The following DEGS2 variants were observed in gnomAD, a reference collection of about 807,000 sequenced individuals.
The protein encoded by DEGS2 is delta 4-desaturase, sphingolipid 2, also known as sphingolipid delta(4)-desaturase/C4-monooxygenase DES2.
Under a neutral mutation model 23.8 loss-of-function variants are expected in DEGS2, and 19 were observed. That is an observed-to-expected ratio of 0.80 (90% CI 0.56 to 1.17). DEGS2 has a LOEUF of 1.17. Among genes scored for constraint, DEGS2 ranks in the 50% most tolerant of loss-of-function variants. DEGS2 has a pLI of 0.00. For missense variants in DEGS2, 390 were observed against 459.5 expected (o/e 0.85, Z 1.38); for synonymous variants, 218 against 213.7 (o/e 1.02, Z -0.18).
At chr14:100,154,667 C>A (rs1416387316) in intron 1 of DEGS2, among the ~76,000 whole-genome samples, 2 of 152,252 alleles carry the variant, frequency 1.3e-5, no homozygotes, top group Non-Finnish European at 2.9e-5. Flanking sequence ...CAGCCCAAAG[C>A]CCCCTGCACC....
At chr14:100,148,876 T>G in intron 2 of DEGS2, 92 bp downstream of exon 2, 2 of 1,414,526 alleles carry the variant, frequency 1.4e-6, no homozygotes. Flanking sequence ...GAGAGGCTGC[T>G]GGGCATGGCC....
At chr14:100,162,901 C>T (rs1237502966), upstream of DEGS2, among the ~76,000 whole-genome samples, 1 of 152,208 alleles carries the variant, frequency 6.6e-6, no homozygotes, top group Non-Finnish European at 1.5e-5. Flanking sequence ...CTCGTGTTTG[C>T]AGAAAACAGG....
chr14:100,150,318 C>T (rs1443312883), intron 1 of DEGS2, among the ~76,000 whole-genome samples: 1 of 152,148 alleles, frequency 6.6e-6, no homozygotes, highest in African/African-American at 2.4e-5. Flanking sequence ...CCCAGGGACG[C>T]CCCTGCCCCC....
Position 100,146,563 on chromosome 14 carries a change from C to CA in DEGS2, c.*197dup. ...AGGCCCAGAAAGGGAGGGCCACACTCAAGGTCCAGGGCAAGTCCACGTGCA... is the reference window on the plus strand; with the variant it reads ...AGGCCCAGAAAGGGAGGGCCACACTCAAAGGTCCAGGGCAAGTCCACGTGCA... On this transcript the variant is annotated 3_prime_UTR_variant, in exon 3 of 3. Coordinates refer to ENST00000305631, the MANE Select transcript of DEGS2 (RefSeq NM_206918.3). 1.4e-6 allele frequency: 1 copy of CA among 712,378 alleles called. No individual in the cohort carries two copies. Among genetic ancestry groups the CA allele is most frequent in the Non-Finnish European group, 2.2e-6 (1 of 450,280 alleles). The allele number at this position is 712,378 out of a possible 1,614,324, so 44.1% of individuals were successfully genotyped here.
At chr14:100,164,506 G>A (rs990822209), upstream of DEGS2, among the ~76,000 whole-genome samples, 3 of 152,028 alleles carry the variant, frequency 2.0e-5, no homozygotes, top group Admixed American at 2.0e-4. Context: ...GCATGGTGGC[G>A]GGCACCTGTA....
rs760608265 is a variant in DEGS2, at chr14:100,149,334, G to A, written c.459C>T (p.Phe153=). 1.1e-5 allele frequency: 18 copies of A among 1,610,986 alleles called. No homozygotes were observed. In the South Asian group the frequency reaches 2.0e-4, roughly 18 times the overall value. The change falls in exon 2 of 3, where the codon TTC becomes TTT. Residue 153 remains phenylalanine (F), a synonymous_variant. Coordinates refer to ENST00000305631, the MANE Select transcript of DEGS2 (RefSeq NM_206918.3). ...DVPTRLEGWF[F]CTPARKLLWL... ...AGAGCAGCTTGCGGGCGGGTGTGCAGAAGAACCAGCCCTCCAGACGCGTGG... is the reference window on the plus strand; with the variant it reads ...AGAGCAGCTTGCGGGCGGGTGTGCAAAAGAACCAGCCCTCCAGACGCGTGG...
intron 1 of DEGS2, among the ~76,000 whole-genome samples, chr14:100,156,504 G>A (rs1340318917): frequency 6.6e-6 from 1 of 152,218 alleles, no homozygotes; most frequent in Non-Finnish European, 1.5e-5. Flanking sequence ...GCCCCATTAG[G>A]AAGGTATGAT....
chr14:100,148,924 G>T, intron 2 of DEGS2, 44 bp downstream of exon 2: 1 of 1,584,048 alleles, frequency 6.3e-7, no homozygotes, highest in Non-Finnish European at 8.6e-7. Context: ...TCCGATGGCT[G>T]TGCAGCCCTG....
intron 1 of DEGS2, among the ~76,000 whole-genome samples, chr14:100,158,002 G>A (rs904375569): frequency 2.0e-5 from 3 of 146,846 alleles, no homozygotes; most frequent in Non-Finnish European, 4.4e-5. Flanking sequence ...CAGGAGAATC[G>A]CTTGAACCTG....
the DEGS2 span, among the ~76,000 whole-genome samples, chr14:100,166,389 C>T: frequency 1.4e-5 from 2 of 146,974 alleles, no homozygotes; most frequent in African/African-American, 2.6e-5. Context: ...GGAGGCTGCT[C>T]TTCACTCTCA....
At chr14:100,150,387 A>ACCCCC (rs778863717) in intron 1 of DEGS2, among the ~76,000 whole-genome samples, 5 of 92,268 alleles carry the variant, frequency 5.4e-5, no homozygotes, top group Non-Finnish European at 8.6e-5. Flanking sequence ...CCACCCCAAC[A>ACCCCC]CCCCCCCCCG....
At chr14:100,162,433 A>C (rs529330768), upstream of DEGS2, among the ~76,000 whole-genome samples, 22 of 152,084 alleles carry the variant, frequency 1.4e-4, no homozygotes, top group African/African-American at 5.3e-4. Flanking sequence ...AGTGGCTCAC[A>C]CCTGTAATCC....
Position 100,158,511 on chromosome 14 carries a change from G to A in DEGS2, c.82+995C>T, listed in dbSNP as rs150323624. On this transcript the variant is annotated intron_variant, in intron 1 of 2. Transcript: ENST00000305631. ...TGGGAGGCGGGGGTCGCAGTGAGCC[G>A]AGATCGCGAGACTCTGTCTCTAAAT... Among the ~76,000 whole-genome samples the A allele has an allele frequency of 3.8e-3, 582 of 152,254 alleles. 2 individuals carry two copies. Among genetic ancestry groups the A allele is most frequent in the Non-Finnish European group, 5.6e-3 (381 of 68,012 alleles).
chr14:100,146,592 G>A lies in DEGS2; in HGVS notation c.*169C>T, dbSNP rs996473371. ...GTCCAGGGCAAGTCCACGTGCAGAC[G>A]GAGCCCTGCAGCCCACACTGCTGTT... On this transcript the variant is annotated 3_prime_UTR_variant, in exon 3 of 3. Coordinates refer to ENST00000305631, the MANE Select transcript of DEGS2 (RefSeq NM_206918.3). The A allele has an allele frequency of 1.0e-4, 96 of 955,382 alleles. 1 individual carries two copies. The highest frequency in any genetic ancestry group is 1.3e-4 in the Non-Finnish European group (82 of 648,898). 59.2% of individuals were successfully genotyped at this position (955,382 alleles called of 1,614,324 possible).
chr14:100,148,609 G>A (rs540774647), intron 2 of DEGS2, among the ~76,000 whole-genome samples: 1 of 152,372 alleles, frequency 6.6e-6, no homozygotes, highest in African/African-American at 2.4e-5. Flanking sequence ...GCAATGACAA[G>A]GAATGAGCAG....
At chr14:100,166,261 GT>G in the DEGS2 span, among the ~76,000 whole-genome samples, 1 of 115,896 alleles carries the variant, frequency 8.6e-6, no homozygotes. Flanking sequence ...GTCCGGGGGA[GT>G]GGGGGGAGCC....
At chr14:100,158,306 G>T (rs1253626020) in intron 1 of DEGS2, among the ~76,000 whole-genome samples, 1 of 152,038 alleles carries the variant, frequency 6.6e-6, no homozygotes, top group East Asian at 1.9e-4. Flanking sequence ...AACTACTCAG[G>T]AGGCTGAGGT....
intron 1 of DEGS2, among the ~76,000 whole-genome samples, chr14:100,156,451 G>A (rs1889659926): frequency 6.6e-6 from 1 of 152,192 alleles, no homozygotes; most frequent in Non-Finnish European, 1.5e-5. Flanking sequence ...ATCGAGTCCT[G>A]GAATAAGCAC....
At chr14:100,147,479 C>T (rs957563802) in intron 2 of DEGS2, among the ~76,000 whole-genome samples, 1 of 152,146 alleles carries the variant, frequency 6.6e-6, no homozygotes, top group African/African-American at 2.4e-5. Flanking sequence ...TGTCATGTTC[C>T]AAGGGCCTCT....
Sources: allele counts gnomAD v4.1 joint callset (sites outside exome capture counted in the v4.1 genomes callset), GRCh38; gene constraint gnomAD v4.1.1; transcripts MANE v1.5; gene names NCBI Gene and HGNC (gene_info 2026-07-23, HGNC 2026-07-21).